Variants in CCDC83 observed in about 807,000 individuals in gnomAD.
CCDC83 encodes the protein coiled-coil domain-containing protein 83.
In CCDC83, 54 loss-of-function variants were observed where a neutral mutation model predicts 50.1. That is an observed-to-expected ratio of 1.08 (90% CI 0.87 to 1.35). The LOEUF (loss-of-function observed/expected upper bound fraction) is 1.35. CCDC83 is among the 40% of genes most tolerant of loss of function. The pLI is 0.00. For synonymous variants in CCDC83, 161 were observed against 153.3 expected (o/e 1.05, Z -0.37); for missense variants, 518 against 473.9 (o/e 1.09, Z -0.86).
rs775967744 is a variant in CCDC83, at chr11:85,916,191, T to C, written c.1038T>C (p.Thr346=). The C allele has an allele frequency of 1.2e-6, 2 of 1,613,024 alleles. No individual in the cohort carries two copies. Among genetic ancestry groups the C allele is most frequent in the East Asian group, 2.2e-5 (1 of 44,792 alleles). ...EENSGTEFGD[T]DMKYLLYEDE... is the part of the protein sequence containing the mutation. ...ACTCAGGCACAGAGTTTGGGGACACTGATATGAAGTACTTACTATATGAGG... is the reference window on the plus strand; with the variant it reads ...ACTCAGGCACAGAGTTTGGGGACACCGATATGAAGTACTTACTATATGAGG... The change falls in exon 10 of 11, where the codon ACT becomes ACC. Residue 346 remains threonine (T), a synonymous_variant. Coordinates refer to ENST00000342404, the MANE Select transcript of CCDC83 (RefSeq NM_001286159.2).
chr11:85,862,818 C>T (rs1302663326), intron 1 of CCDC83, among the ~76,000 whole-genome samples: 1 of 152,056 alleles, frequency 6.6e-6, no homozygotes, highest in Non-Finnish European at 1.5e-5. Flanking sequence ...TATCATTAGC[C>T]CATTGGAAAA....
intron 7 of CCDC83, among the ~76,000 whole-genome samples, chr11:85,901,291 G>T (rs982618871): frequency 3.3e-5 from 5 of 152,044 alleles, no homozygotes; most frequent in African/African-American, 1.2e-4. Context: ...ACAGGAAATA[G>T]ACCAGGCATG....
Position 85,882,668 on chromosome 11 carries a change from C to G in CCDC83, c.336C>G (p.Asn112Lys). 6.2e-7 allele frequency: 1 copy of G among 1,613,362 alleles called. No individual in the cohort carries two copies. Among genetic ancestry groups the G allele is most frequent in the Non-Finnish European group, 8.5e-7 (1 of 1,179,680 alleles). Residue 112 changes from asparagine (N) to lysine (K), a missense_variant, in exon 4 of 11, where the codon AAC (asparagine) becomes AAG (lysine). Transcript: ENST00000342404. ...KWKFERDQEK[N>K]LRDMRMQISN... ...AGTTTGAAAGAGACCAGGAAAAAAA[C>G]TTGAGAGGTGATTTAGGAACATAGA...
intron 3 of CCDC83, among the ~76,000 whole-genome samples, chr11:85,878,255 T>A (rs1445502): frequency 0.34 from 52,232 of 151,966 alleles, 9,948 homozygotes; most frequent in African/African-American, 0.49. Context: ...TATTGACAAG[T>A]TTAACATGGA....
At chr11:85,882,801 C>A (rs995198756) in intron 4 of CCDC83, 126 bp downstream of exon 4, 2 of 826,882 alleles carry the variant, frequency 2.4e-6, no homozygotes, top group South Asian at 1.8e-5. Context: ...TCATTACCAC[C>A]GCAGCCACAA....
chr11:85,886,435 GAAA>G, intron 5 of CCDC83, 68 bp downstream of exon 5: 1 of 1,267,082 alleles, frequency 7.9e-7, no homozygotes, highest in South Asian at 1.8e-5. Context: ...ATTGATGGAA[GAAA>G]AAAGTGCATA....
intron 1 of CCDC83, among the ~76,000 whole-genome samples, chr11:85,863,836 G>T (rs1169725352): frequency 6.6e-6 from 1 of 152,194 alleles, no homozygotes; most frequent in Non-Finnish European, 1.5e-5. Context: ...GAAGAAGCTT[G>T]ACCTGGAGCA....
chr11:85,913,342 TG>T (rs2093463577), intron 8 of CCDC83, among the ~76,000 whole-genome samples: 1 of 152,228 alleles, frequency 6.6e-6, no homozygotes, highest in African/African-American at 2.4e-5. Context: ...TTGAGGCAAC[TG>T]TTTTGGACAC....
At chr11:85,909,610 T>TTTTTTTTTTTTTTTTTTC in intron 7 of CCDC83, among the ~76,000 whole-genome samples, 1 of 63,726 alleles carries the variant, frequency 1.6e-5, no homozygotes, top group African/African-American at 6.9e-5. Flanking sequence ...CAAAATACAC[T>TTTTTTTTTTTTTTTTTTC]TTTTTTTTTT....
chr11:85,873,733 A>C (rs1165283475), intron 3 of CCDC83, among the ~76,000 whole-genome samples: 1 of 152,218 alleles, frequency 6.6e-6, no homozygotes, highest in Non-Finnish European at 1.5e-5. Context: ...GTAATTGCAT[A>C]TTTAAGATGA....
chr11:85,864,882 A>G (rs1240133202), intron 1 of CCDC83, among the ~76,000 whole-genome samples: 8 of 152,196 alleles, frequency 5.3e-5, no homozygotes, highest in Non-Finnish European at 1.5e-5. Context: ...GGTGGAGGGA[A>G]TGCTATACAT....
At chr11:85,866,671 A>C (rs12274717) in intron 2 of CCDC83, among the ~76,000 whole-genome samples, 25,289 of 151,414 alleles carry the variant, frequency 0.17, 2,334 homozygotes, top group Middle Eastern at 0.2. Context: ...CAAAACAAAA[A>C]AAAAAAACAG....
At chr11:85,908,268 T>A (rs1008809481) in intron 7 of CCDC83, among the ~76,000 whole-genome samples, 1 of 152,160 alleles carries the variant, frequency 6.6e-6, no homozygotes. Flanking sequence ...GAGCCATGCC[T>A]TATTCACCCT....
intron 3 of CCDC83, among the ~76,000 whole-genome samples, chr11:85,877,878 TAGTAGC>T (rs1351268469): frequency 6.6e-6 from 1 of 152,184 alleles, no homozygotes; most frequent in Middle Eastern, 3.2e-3. Context: ...TAAGAAAAAG[TAGTAGC>T]AGAGCAATAG....
rs2093307660 is a variant in CCDC83, at chr11:85,882,751, C to T, written c.343+76C>T. On this transcript the variant is annotated intron_variant, in intron 4 of 10. Transcript: ENST00000342404. ...TGAATATATTAATGCTTTATTCTTC[C>T]AATATGTTCAAAATGCTGTTAAGTG... The T allele has an allele frequency of 2.3e-6, 3 of 1,326,080 alleles. No individual in the cohort carries two copies. In the East Asian group the frequency reaches 7.1e-5, roughly 31 times the overall value. The allele number at this position is 1,326,080 out of a possible 1,614,324, so 82.1% of individuals were successfully genotyped here.
intron 5 of CCDC83, among the ~76,000 whole-genome samples, chr11:85,888,103 T>C (rs2093335472): frequency 6.6e-6 from 1 of 151,872 alleles, no homozygotes; most frequent in Non-Finnish European, 1.5e-5. Context: ...GCAATGACTA[T>C]CCTTACACAT....
At chr11:85,916,376 C>G (rs1181675770) in intron 10 of CCDC83, 143 bp downstream of exon 10, 13 of 683,786 alleles carry the variant, frequency 1.9e-5, no homozygotes, top group Non-Finnish European at 3.3e-5. Flanking sequence ...CCATTCACAT[C>G]TCTCATTTGG....
intron 8 of CCDC83, among the ~76,000 whole-genome samples, chr11:85,914,346 T>C (rs1324093332): frequency 2.0e-5 from 3 of 152,308 alleles, no homozygotes; most frequent in Non-Finnish European, 2.9e-5. Flanking sequence ...GGAAATGCCA[T>C]ACAGAGTTTT....
chr11:85,911,470 T>TAAAAA, intron 8 of CCDC83, 68 bp downstream of exon 8: 1 of 1,328,716 alleles, frequency 7.5e-7, no homozygotes, highest in Admixed American at 2.6e-5. Context: ...GTTGTTTTTT[T>TAAAAA]AAAACAAAAA....
Sources: gnomAD v4.1 joint callset for allele counts (sites outside exome capture counted in the v4.1 genomes callset) on GRCh38, gnomAD v4.1.1 for gene constraint, MANE v1.5 for transcripts, NCBI Gene and HGNC (gene_info 2026-07-23, HGNC 2026-07-21) for gene names.